SMARCA4: variants seen among roughly 807,000 people sequenced by gnomAD.
SMARCA4 encodes the protein SWI/SNF-related matrix-associated actin-dependent regulator of chromatin subfamily A member 4.
SMARCA4 carries 31 observed loss-of-function variants against 193.9 expected under a neutral mutation model. That is an observed-to-expected ratio of 0.16 (90% CI 0.12 to 0.22). The LOEUF (loss-of-function observed/expected upper bound fraction) is 0.22, where lower values mean the gene tolerates loss of function less well. Ranked by LOEUF, SMARCA4 falls within the 10% of genes least tolerant of loss-of-function variation. The probability of loss-of-function intolerance (pLI) is 1.00; values close to 1 mark genes in which losing one functional copy is unlikely to be tolerated. For synonymous variants in SMARCA4, 942 were observed against 933.1 expected, an observed-to-expected ratio of 1.01 and a Z score of -0.17; for missense variants, 1,148 against 2,296.0, an observed-to-expected ratio of 0.50 and a Z score of 10.22.
At chr19:11,046,843 C>G (rs568673924) in intron 30 of SMARCA4, among the ~76,000 whole-genome samples, 8 of 150,384 alleles carry the variant, frequency 5.3e-5, no homozygotes, top group Non-Finnish European at 1.2e-4. Flanking sequence ...GTTGACTCAG[C>G]TATTCAGGAA....
chr19:10,990,162 TC>T (rs1222585837), intron 7 of SMARCA4, among the ~76,000 whole-genome samples: 1 of 151,938 alleles, frequency 6.6e-6, no homozygotes, highest in Non-Finnish European at 1.5e-5. Flanking sequence ...GCTATATTTT[TC>T]TTTTTTTTGA....
At position 11,034,325 on chromosome 19, in the gene SMARCA4, G is replaced by T; in HGVS notation, c.3951+125G>T. On this transcript the variant is annotated intron_variant, in intron 28 of 34. Coordinates refer to ENST00000344626, the MANE Select transcript of SMARCA4 (RefSeq NM_003072.5). This position sits in a 1 kb window ranked among gnomAD's most constrained non-coding sequence, Gnocchi z 7.0. ...GTCAGGGAGCCAGGGACAGCTCACAGTGCAGCCCACTCCCACCTCCAGACT... is the reference window on the plus strand; with the variant it reads ...GTCAGGGAGCCAGGGACAGCTCACATTGCAGCCCACTCCCACCTCCAGACT... 1 of 777,496 alleles carries T rather than the reference G, an allele frequency of 1.3e-6. No individual in the cohort carries two copies. Among genetic ancestry groups the T allele is most frequent in the South Asian group, 1.4e-5 (1 of 69,802 alleles). 48.2% of individuals were successfully genotyped at this position (777,496 alleles called of 1,614,324 possible). A position where few individuals can be genotyped will look rare whatever the true frequency, so the allele number is the denominator to read the frequency against.
chr19:11,015,072 C>T (rs2089229298), intron 16 of SMARCA4, among the ~76,000 whole-genome samples: 1 of 152,180 alleles, frequency 6.6e-6, no homozygotes, highest in African/African-American at 2.4e-5. Context: ...CTTGGCCTCC[C>T]AAAGTGCTGG....
chr19:10,989,845 G>A lies in SMARCA4; in HGVS notation c.1245+402G>A, dbSNP rs1227983281. On this transcript the variant is annotated intron_variant, in intron 7 of 34. Transcript: ENST00000344626. ...GCCTCCCAAGTAGCTGGGATTACAA[G>A]CGTGTGCCACCATGCCTAATTTTTA... is the stretch of plus-strand genomic sequence containing the variant. 5.9e-5 allele frequency among the ~76,000 whole-genome samples: 9 copies of A among 151,946 alleles called. 1 individual carries two copies. In the East Asian group the frequency reaches 1.7e-3, roughly 29 times the overall value.
chr19:11,009,686 A>G (rs1271113655), intron 14 of SMARCA4, among the ~76,000 whole-genome samples: 1 of 140,662 alleles, frequency 7.1e-6, no homozygotes, highest in Non-Finnish European at 1.5e-5. Context: ...CGCCCGGCTA[A>G]CTTTTTTTTT....
rs949602119 is a variant in SMARCA4, at chr19:11,041,041, T to C, written c.4171-266T>C. On this transcript the variant is annotated intron_variant, in intron 29 of 34. Coordinates refer to ENST00000344626, the MANE Select transcript of SMARCA4 (RefSeq NM_003072.5). The surrounding 1 kb of genome is among the most constrained non-coding windows in gnomAD (Gnocchi z 5.6). ...TTTCTGTACAGAGAAGATAGTTCTT[T>C]TTTTTTGGTCAAGAAATTCAACCAT... 5.9e-6 allele frequency: 3 copies of C among 506,524 alleles called. No homozygotes were observed. Among genetic ancestry groups the C allele is most frequent in the African/African-American group, 5.7e-5 (3 of 52,310 alleles). The allele number at this position is 506,524 out of a possible 1,614,324, so 31.4% of individuals were successfully genotyped here.
At chr19:11,026,246 G>A (rs2146512842) in intron 22 of SMARCA4, 54 bp from the exon 23 acceptor site, 1 of 1,443,856 alleles carries the variant, frequency 6.9e-7, no homozygotes, top group Non-Finnish European at 9.8e-7. Flanking sequence ...GACCGCAGCG[G>A]GGCCCGGTGG....
chr19:10,994,796 G>C, intron 8 of SMARCA4, 32 bp from the exon 9 acceptor site: 1 of 1,602,244 alleles, frequency 6.2e-7, no homozygotes, highest in Non-Finnish European at 8.6e-7. Context: ...TGCTGCTGAA[G>C]GGTCAGCCTT....
At chr19:10,988,245 T>C (rs940762845) in intron 6 of SMARCA4, among the ~76,000 whole-genome samples, 1 of 152,118 alleles carries the variant, frequency 6.6e-6, no homozygotes, top group Admixed American at 6.6e-5. Context: ...CTCAGCCTCC[T>C]GAGTAGCTGG....
At position 10,986,875 on chromosome 19, in the gene SMARCA4, GTTTTCTCTT is replaced by G. The variant is rs1469344974; in HGVS notation, c.761-27_761-19del. The G allele has an allele frequency of 6.3e-6, 10 of 1,575,002 alleles. No homozygotes were observed. Among genetic ancestry groups the G allele is most frequent in the Non-Finnish European group, 7.9e-6 (9 of 1,145,012 alleles). The stretch of plus-strand genomic sequence containing the variant: ...CGCAGGCATAAACCTGGGACGCACT[GTTTTCTCTT>G]TTGTTTCTCCCTACATGTAGGTATG... On this transcript the variant is annotated intron_variant, in intron 4 of 34. Transcript: ENST00000344626. The surrounding 1 kb of genome is among the most constrained non-coding windows in gnomAD (Gnocchi z 6.7).
chr19:11,029,147 G>C (rs1210919969), intron 24 of SMARCA4, among the ~76,000 whole-genome samples: 1 of 152,204 alleles, frequency 6.6e-6, no homozygotes, highest in East Asian at 1.9e-4. Flanking sequence ...CCCACTTTCA[G>C]CTTTGAGGCT....
rs780746560 is a variant in SMARCA4, at chr19:11,014,395, C to T, written c.2438+1283C>T. 7.9e-4 allele frequency among the ~76,000 whole-genome samples: 120 copies of T among 152,248 alleles called. 1 individual carries two copies. Among genetic ancestry groups the T allele is most frequent in the Non-Finnish European group, 1.3e-3 (86 of 68,034 alleles). On this transcript the variant is annotated intron_variant, in intron 16 of 34. Coordinates refer to ENST00000344626, the MANE Select transcript of SMARCA4 (RefSeq NM_003072.5). ...CTGTGGAACTGTTTCTTTCTTCTAT[C>T]TCCCTGCTTCCTACGTGGCGGGTAG...
chr19:11,032,978 GCT>G, intron 25 of SMARCA4: 1 of 450,592 alleles, frequency 2.2e-6, no homozygotes, highest in Non-Finnish European at 4.2e-6. Flanking sequence ...GAGCTGTGCC[GCT>G]GCCACGGGAG....
In SMARCA4 at chr19:10,987,933, G is replaced by A. The variant is rs779489771; in HGVS notation, c.1118+9G>A. ...CAGGAGCGCGAGTACAGGTGAGGGC[G>A]GGGCCCAGTTGCCAAGGTCACTGCC... is the stretch of plus-strand genomic sequence containing the variant. On this transcript the variant is annotated intron_variant, in intron 6 of 34. Transcript: ENST00000344626. The surrounding 1 kb of genome is among the most constrained non-coding windows in gnomAD (Gnocchi z 5.3). 6.2e-6 allele frequency: 10 copies of A among 1,611,742 alleles called. No individual in the cohort carries two copies. The South Asian group carries it at 6.6e-5, about 11-fold the overall frequency.
chr19:10,976,291 T>C (rs1479407445), intron 1 of SMARCA4, among the ~76,000 whole-genome samples: 7 of 152,094 alleles, frequency 4.6e-5, no homozygotes, highest in African/African-American at 1.7e-4. Context: ...TGTAGACATC[T>C]CGCCGGAGCA....
chr19:11,004,582 T>C (rs1445886859), intron 13 of SMARCA4, among the ~76,000 whole-genome samples: 2 of 152,194 alleles, frequency 1.3e-5, no homozygotes, highest in Admixed American at 6.5e-5. Flanking sequence ...AACCCTCTTA[T>C]GATTATTGTT....
chr19:10,987,729 C>T lies in SMARCA4; in HGVS notation c.923C>T (p.Thr308Met), dbSNP rs770322996. 24 of 1,608,196 alleles carry T rather than the reference C, an allele frequency of 1.5e-5. No individual in the cohort carries two copies. Among genetic ancestry groups the T allele is most frequent in the South Asian group, 4.4e-5 (4 of 90,704 alleles). The stretch of plus-strand genomic sequence containing the variant: ...CAGAAGCTGATTCCCCCGCAGCCAA[C>T]GGGCCGCCCTTCCCCCGCGCCCCCT... Reference protein sequence around the residue: ...TPQKLIPPQPTGRPSPAPPAV... With the variant: ...TPQKLIPPQPMGRPSPAPPAV... The change falls in exon 6 of 35, where the codon ACG becomes ATG. Residue 308 changes from threonine (T) to methionine (M), a missense_variant. This residue lies in a region of SMARCA4 where 257 missense variants were observed against 276.5 expected (regional missense o/e 0.93). Coordinates refer to ENST00000344626, the MANE Select transcript of SMARCA4 (RefSeq NM_003072.5). The surrounding 1 kb of genome is among the most constrained non-coding windows in gnomAD (Gnocchi z 5.3).
chr19:10,988,025 T>G, intron 6 of SMARCA4, 101 bp downstream of exon 6: 2 of 1,248,414 alleles, frequency 1.6e-6, no homozygotes, highest in Non-Finnish European at 2.3e-6. Context: ...AACAGTGCCC[T>G]GTGCCCACCA....
At chr19:10,967,363 T>A (rs920480774) in intron 1 of SMARCA4, among the ~76,000 whole-genome samples, 1 of 152,122 alleles carries the variant, frequency 6.6e-6, no homozygotes, top group African/African-American at 2.4e-5. Context: ...CAGGCTGGAG[T>A]GCAGTGGCAC....
Sources: gnomAD v4.1 joint callset for allele counts (sites outside exome capture counted in the v4.1 genomes callset) on GRCh38, gnomAD v4.1.1 for gene constraint, gnomAD v4.1.1 regional missense constraint, Gnocchi (gnomAD v3.1) non-coding constraint, MANE v1.5 for transcripts, NCBI Gene and HGNC (gene_info 2026-07-23, HGNC 2026-07-21) for gene names.